RIMS2: variants seen among roughly 807,000 people sequenced by gnomAD.
The protein encoded by RIMS2 is regulating synaptic membrane exocytosis 2.
Under a neutral mutation model 174.4 loss-of-function variants are expected in RIMS2, and 59 were observed. The ratio of observed to expected loss-of-function variants is 0.34; its 90% confidence interval spans 0.27 to 0.42. The LOEUF (loss-of-function observed/expected upper bound fraction) is 0.42, where lower values mean the gene tolerates loss of function less well. Ranked by LOEUF, RIMS2 falls within the 10% of genes least tolerant of loss-of-function variation. RIMS2 has a pLI of 1.00. For missense variants in RIMS2, 1,620 were observed against 1,666.3 expected (o/e 0.97, Z 0.48); for synonymous variants, 606 against 572.5 (o/e 1.06, Z -0.84).
chr8:104,079,791 G>A (rs1398995580), intron 19 of RIMS2, among the ~76,000 whole-genome samples: 5 of 151,124 alleles, frequency 3.3e-5, no homozygotes, highest in Non-Finnish European at 7.4e-5. Context: ...TCTTGAGAAC[G>A]GTGACTATAT....
intron 19 of RIMS2, among the ~76,000 whole-genome samples, chr8:104,232,116 A>G (rs746210145): frequency 9.9e-5 from 15 of 152,222 alleles, no homozygotes; most frequent in Non-Finnish European, 1.8e-4. Flanking sequence ...ATCATGTATT[A>G]CATATTTGTT....
In RIMS2 at chr8:104,218,688, C is replaced by T. The variant is rs537226586; in HGVS notation, c.3335-26228C>T. On this transcript the variant is annotated intron_variant, in intron 19 of 23. Transcript: ENST00000504942. Reference sequence around the variant, plus strand: ...TTAGATTCTATAAGGAGTGCACAACCTAGATCCCTCACGTGTGCATTTAAA... The same window carrying T: ...TTAGATTCTATAAGGAGTGCACAACTTAGATCCCTCACGTGTGCATTTAAA... Among the ~76,000 whole-genome samples the T allele has an allele frequency of 2.0e-5, 3 of 152,178 alleles. No homozygotes were observed. In the South Asian group the frequency reaches 6.2e-4, roughly 32 times the overall value.
At chr8:103,561,890 G>A (rs2091650454) in intron 1 of RIMS2, among the ~76,000 whole-genome samples, 2 of 152,208 alleles carry the variant, frequency 1.3e-5, no homozygotes, top group African/African-American at 4.8e-5. Flanking sequence ...ATGGCGGAAG[G>A]CAAGGAGGAG....
chr8:104,199,515 A>C (rs953789167), intron 19 of RIMS2, among the ~76,000 whole-genome samples: 1 of 152,232 alleles, frequency 6.6e-6, no homozygotes, highest in Non-Finnish European at 1.5e-5. Flanking sequence ...GCTGCCACTC[A>C]AGTGTCTTTA....
intron 19 of RIMS2, among the ~76,000 whole-genome samples, chr8:104,046,864 G>T (rs904178913): frequency 6.6e-6 from 1 of 152,012 alleles, no homozygotes; most frequent in African/African-American, 2.4e-5. Flanking sequence ...TACTGGGCTA[G>T]ATACTTTAAA....
At chr8:104,141,815 G>C (rs1482977310) in intron 19 of RIMS2, among the ~76,000 whole-genome samples, 1 of 152,118 alleles carries the variant, frequency 6.6e-6, no homozygotes, top group Non-Finnish European at 1.5e-5. Flanking sequence ...TCAGGGCTCA[G>C]CTAAATTGTC....
At chr8:103,609,621 T>C (rs1174512363) in intron 1 of RIMS2, among the ~76,000 whole-genome samples, 7 of 152,202 alleles carry the variant, frequency 4.6e-5, no homozygotes, top group African/African-American at 1.7e-4. Context: ...AAGTCCTTTA[T>C]TGCTTGTTTT....
Position 104,042,394 on chromosome 8 carries a change from G to C in RIMS2, c.3334+27779G>C, listed in dbSNP as rs190845649. Reference sequence around the variant, plus strand: ...AGAATAGGTCAGATGTTTGTTTCTAGAAAGATTACTTTGGCAGTTATATAA... The same window carrying C: ...AGAATAGGTCAGATGTTTGTTTCTACAAAGATTACTTTGGCAGTTATATAA... On this transcript the variant is annotated intron_variant, in intron 19 of 23. Transcript: ENST00000504942. Among the ~76,000 whole-genome samples the C allele has an allele frequency of 4.0e-5, 6 of 151,694 alleles. No homozygotes were observed. In the East Asian group the frequency reaches 1.2e-3, roughly 29 times the overall value.
intron 17 of RIMS2, among the ~76,000 whole-genome samples, chr8:103,999,178 C>G (rs2095275567): frequency 6.6e-6 from 1 of 151,518 alleles, no homozygotes; most frequent in Admixed American, 6.6e-5. Flanking sequence ...TCCTTCATCC[C>G]TATGAAATTA....
chr8:103,561,126 G>C (rs922620257), intron 1 of RIMS2, among the ~76,000 whole-genome samples: 10 of 152,082 alleles, frequency 6.6e-5, no homozygotes, highest in Admixed American at 5.9e-4. Flanking sequence ...AGCTTCCTGC[G>C]GCTTTTTCCT....
intron 19 of RIMS2, among the ~76,000 whole-genome samples, chr8:104,226,805 C>T (rs1396890949): frequency 1.3e-5 from 2 of 152,170 alleles, no homozygotes; most frequent in Non-Finnish European, 2.9e-5. Flanking sequence ...AAAGAATTTT[C>T]CTGGAGCCCA....
At chr8:103,832,835 T>C (rs553657183) in intron 3 of RIMS2, among the ~76,000 whole-genome samples, 28 of 152,346 alleles carry the variant, frequency 1.8e-4, no homozygotes, top group African/African-American at 6.3e-4. Flanking sequence ...ATTCACAATC[T>C]ATTTAGTGTT....
chr8:104,248,666 TG>T, intron 20 of RIMS2, 34 bp from the exon 27 acceptor site: 2 of 1,094,786 alleles, frequency 1.8e-6, no homozygotes, highest in Non-Finnish European at 2.8e-6. Context: ...AAATAGGGGT[TG>T]GGGATTTAAT....
In RIMS2 at chr8:103,772,362, T is replaced by C. The variant is rs113586010; in HGVS notation, c.698+5825T>C. On this transcript the variant is annotated intron_variant, in intron 3 of 23. Transcript: ENST00000504942. ...CTAAATAGTAGCAAGGAAAAACTTATAAATGGAAATTTAAAAAAACTTTAA... is the reference window on the plus strand; with the variant it reads ...CTAAATAGTAGCAAGGAAAAACTTACAAATGGAAATTTAAAAAAACTTTAA... 4.2e-4 allele frequency among the ~76,000 whole-genome samples: 64 copies of C among 152,082 alleles called. 1 individual carries two copies. Among genetic ancestry groups the C allele is most frequent in the African/African-American group, 1.5e-3 (64 of 41,560 alleles).
At chr8:104,042,479 G>C (rs1016069676) in intron 19 of RIMS2, among the ~76,000 whole-genome samples, 2 of 151,560 alleles carry the variant, frequency 1.3e-5, no homozygotes, top group African/African-American at 4.8e-5. Context: ...TAATGAATCA[G>C]TTAAGAAATG....
At chr8:103,989,385 G>C (rs1477558069) in exon 17 of RIMS2, 6 of 1,610,480 alleles carry the variant, frequency 3.7e-6, no homozygotes, top group Middle Eastern at 1.6e-4. Context: ...GACAGACATC[G>C]TGTCATGGAT....
chr8:103,973,369 G>A (rs2093099510), intron 15 of RIMS2, among the ~76,000 whole-genome samples: 1 of 152,044 alleles, frequency 6.6e-6, no homozygotes, highest in African/African-American at 2.4e-5. Flanking sequence ...CATAATCATG[G>A]ACTAAAAACA....
At chr8:103,598,758 C>A (rs1294921901) in intron 1 of RIMS2, among the ~76,000 whole-genome samples, 1 of 152,088 alleles carries the variant, frequency 6.6e-6, no homozygotes, top group Non-Finnish European at 1.5e-5. Flanking sequence ...GTTTAAAGTA[C>A]AGAATTCTGA....
At chr8:103,788,726 TTGTC>T (rs1169521761) in intron 3 of RIMS2, among the ~76,000 whole-genome samples, 13 of 152,082 alleles carry the variant, frequency 8.5e-5, no homozygotes, top group Admixed American at 4.6e-4. Context: ...GTCTTTTTGT[TTGTC>T]TGTGCCCTGC....
Sources: allele counts gnomAD v4.1 joint callset (sites outside exome capture counted in the v4.1 genomes callset), GRCh38; gene constraint gnomAD v4.1.1; transcripts MANE v1.5; gene names NCBI Gene and HGNC (gene_info 2026-07-23, HGNC 2026-07-21).